Variants in YEATS2 observed in about 807,000 individuals in gnomAD.
YEATS2 encodes YEATS domain containing 2, also known as YEATS domain-containing protein 2.
A neutral mutation model predicts 163.2 loss-of-function variants in YEATS2; 77 were observed. The ratio of observed to expected loss-of-function variants is 0.47; its 90% CI spans 0.39 to 0.57. The LOEUF is 0.57. Among genes scored for constraint, YEATS2 ranks in the 20% least tolerant of loss-of-function variants. YEATS2 has a pLI of 0.00. For missense variants in YEATS2, 1,549 were observed against 1,729.8 expected (o/e 0.90, Z 1.85); for synonymous variants, 631 against 645.1 (o/e 0.98, Z 0.33).
chr3:183,742,509 T>TA (rs1355686912), intron 8 of YEATS2, among the ~76,000 whole-genome samples: 1 of 152,208 alleles, frequency 6.6e-6, no homozygotes, highest in Non-Finnish European at 1.5e-5. Context: ...GAATTAGAAG[T>TA]AGAGCCTGAC....
At chr3:183,800,211 A>G (rs263044) in intron 23 of YEATS2, among the ~76,000 whole-genome samples, 63,416 of 151,828 alleles carry the variant, frequency 0.42, 13,709 homozygotes, top group Middle Eastern at 0.54. Flanking sequence ...CCTTTAAGAA[A>G]TATCTAAGGA....
Position 183,699,972 on chromosome 3 carries a change from C to T in YEATS2, c.-20+1979C>T, listed in dbSNP as rs1186336100. Among the ~76,000 whole-genome samples the T allele has an allele frequency of 2.0e-5, 3 of 152,030 alleles. No homozygotes were observed. The East Asian group carries it at 5.8e-4, about 29-fold the overall frequency. ...GAGTGCAAATTAGAAAAAAAGTGCC[C>T]CATTTCCATCTGCCCCAAAACTAAA... On this transcript the variant is annotated intron_variant, in intron 1 of 30. Transcript: ENST00000305135.
chr3:183,782,804 T>C (rs1723704236), intron 19 of YEATS2, among the ~76,000 whole-genome samples: 1 of 152,210 alleles, frequency 6.6e-6, no homozygotes, highest in Non-Finnish European at 1.5e-5. Flanking sequence ...TTTGTTTGTT[T>C]TTGCTGTCAT....
intron 23 of YEATS2, among the ~76,000 whole-genome samples, chr3:183,799,329 T>A (rs574741488): frequency 6.6e-6 from 1 of 152,342 alleles, no homozygotes; most frequent in East Asian, 1.9e-4. Context: ...CAGCTTGGGA[T>A]GTCTGATCAG....
At chr3:183,758,187 T>C (rs772250925) in intron 12 of YEATS2, among the ~76,000 whole-genome samples, 1 of 151,974 alleles carries the variant, frequency 6.6e-6, no homozygotes, top group Non-Finnish European at 1.5e-5. Context: ...GCGAAACCCA[T>C]CTCCACTAAA....
Position 183,810,482 on chromosome 3 carries a change from A to G in YEATS2, c.4168A>G (p.Lys1390Glu), listed in dbSNP as rs530310599. 1 of 1,613,994 alleles carries G rather than the reference A, an allele frequency of 6.2e-7. No homozygotes were observed. Among genetic ancestry groups the G allele is most frequent in the East Asian group, 2.2e-5 (1 of 44,876 alleles). The change falls in exon 31 of 31, where the codon AAA becomes GAA. Residue 1390 changes from lysine to glutamate, a missense_variant. By Grantham distance (56) the Lys-to-Glu change is moderately conservative. Transcript: ENST00000305135. ...CTTTGTTTTTTGGACCAGGATTCCC[A>G]AAGAAATTACAGTGAGTAATATTCA... ...YQTASHNRIP[K>E]EITVSNIHQA... is the part of the protein sequence containing the mutation.
intron 14 of YEATS2, 116 bp from the exon 15 acceptor site, chr3:183,761,981 G>A (rs1021439528): frequency 8.1e-6 from 11 of 1,355,716 alleles, no homozygotes; most frequent in East Asian, 2.3e-5. Context: ...CATTCTTTAC[G>A]TATCAAGTTT....
intron 15 of YEATS2, among the ~76,000 whole-genome samples, chr3:183,762,545 C>T (rs972887016): frequency 1.3e-5 from 2 of 152,216 alleles, no homozygotes; most frequent in Non-Finnish European, 2.9e-5. Context: ...GCAGTGGAGG[C>T]AGAGCTGACT....
chr3:183,801,350 T>TC, intron 24 of YEATS2, 105 bp from the exon 25 acceptor site: 1 of 691,994 alleles, frequency 1.4e-6, no homozygotes, highest in Non-Finnish European at 2.3e-6. Flanking sequence ...TAATTATAAT[T>TC]CCCTCAGAAC....
At chr3:183,786,441 AC>A in intron 20 of YEATS2, 140 bp downstream of exon 20, 2 of 815,206 alleles carry the variant, frequency 2.5e-6, no homozygotes, top group Non-Finnish European at 3.7e-6. Flanking sequence ...ATATTCACAT[AC>A]CATAAAAGTC....
In YEATS2 at chr3:183,773,690, C is replaced by G. The variant is rs1388367607; in HGVS notation, c.2264C>G (p.Pro755Arg). The G allele has an allele frequency of 3.7e-6, 6 of 1,612,302 alleles. No homozygotes were observed. Among genetic ancestry groups the G allele is most frequent in the Non-Finnish European group, 4.2e-6 (5 of 1,179,518 alleles). Residue 755 changes from proline to arginine, a missense_variant, in exon 17 of 31, where the codon CCT (proline) becomes CGT (arginine). By Grantham distance (103) the Pro-to-Arg change is moderately radical. Transcript: ENST00000305135. The stretch of plus-strand genomic sequence containing the variant: ...TTGGCCAACTTGGCAAATTTGCCTC[C>G]TGGCACTAAACTCTACCTAACTACA... ...TNLANLANLP[P>R]GTKLYLTTNS...
chr3:183,791,450 C>T (rs186869512), intron 21 of YEATS2, among the ~76,000 whole-genome samples: 12 of 152,262 alleles, frequency 7.9e-5, no homozygotes, highest in African/African-American at 2.4e-4. Context: ...TTAAAATCTA[C>T]GTATCAGATT....
At chr3:183,772,156 C>T in intron 15 of YEATS2, 149 bp from the exon 16 acceptor site, 1 of 935,910 alleles carries the variant, frequency 1.1e-6, no homozygotes, top group Non-Finnish European at 1.6e-6. Context: ...AATACAGTTG[C>T]CGTTCACACC....
At chr3:183,750,389 G>A (rs1435792176) in intron 9 of YEATS2, among the ~76,000 whole-genome samples, 2 of 152,172 alleles carry the variant, frequency 1.3e-5, no homozygotes, top group African/African-American at 2.4e-5. Context: ...TGCTATGAAC[G>A]TAGGTGTACA....
At chr3:183,747,149 A>G (rs1577102164) in intron 8 of YEATS2, among the ~76,000 whole-genome samples, 2 of 152,252 alleles carry the variant, frequency 1.3e-5, no homozygotes, top group East Asian at 1.9e-4. Context: ...TCTACTGCCT[A>G]TGTTTTCATT....
intron 1 of YEATS2, among the ~76,000 whole-genome samples, chr3:183,711,196 C>T (rs113742475): frequency 3.7e-4 from 56 of 152,008 alleles, no homozygotes; most frequent in Non-Finnish European, 6.3e-4. Flanking sequence ...AACAGCTGGG[C>T]GCAGTGGCTC....
chr3:183,794,467 A>G (rs1187448963), intron 21 of YEATS2, among the ~76,000 whole-genome samples: 1 of 152,242 alleles, frequency 6.6e-6, no homozygotes, highest in African/African-American at 2.4e-5. Context: ...TCTCTAGTCA[A>G]GGAGATCATT....
chr3:183,738,632 T>C (rs1344216242), intron 8 of YEATS2, among the ~76,000 whole-genome samples: 1 of 141,268 alleles, frequency 7.1e-6, no homozygotes, highest in Non-Finnish European at 1.5e-5. Flanking sequence ...AATTCCCACC[T>C]ATGAGTGAGA....
At position 183,810,728 on chromosome 3, in the gene YEATS2, G is replaced by A. The variant is rs576422311; in HGVS notation, c.*145G>A. 5 of 678,834 alleles carry A rather than the reference G, an allele frequency of 7.4e-6. No individual in the cohort carries two copies. The South Asian group carries it at 8.9e-5, about 12-fold the overall frequency. 42.1% of individuals were successfully genotyped at this position (678,834 alleles called of 1,614,324 possible). A position where few individuals can be genotyped will look rare whatever the true frequency, so the allele number is the denominator to read the frequency against. On this transcript the variant is annotated 3_prime_UTR_variant, in exon 31 of 31. Transcript: ENST00000305135. Reference sequence around the variant, plus strand: ...CCTTTGCCGCTGCCTGTTCCCACGTGTCACCAGCACGCTGCACTCCAGATG... The same window carrying A: ...CCTTTGCCGCTGCCTGTTCCCACGTATCACCAGCACGCTGCACTCCAGATG...
Sources: allele counts gnomAD v4.1 joint callset (sites outside exome capture counted in the v4.1 genomes callset), GRCh38; gene constraint gnomAD v4.1.1; transcripts MANE v1.5; gene names NCBI Gene and HGNC (gene_info 2026-07-23, HGNC 2026-07-21).